Variants in GRK5 observed in about 807,000 individuals in gnomAD.
GRK5 encodes g protein-coupled receptor kinase GRK5.
A neutral mutation model predicts 78.4 loss-of-function variants in GRK5; 40 were observed. That is an observed-to-expected ratio of 0.51 (90% CI 0.40 to 0.66). The LOEUF is 0.66. Ranked by LOEUF, GRK5 falls within the 30% of genes least tolerant of loss-of-function variation. The pLI is 0.00. For missense variants in GRK5, 598 were observed against 759.9 expected (o/e 0.79, Z 2.50); for synonymous variants, 289 against 296.8 (o/e 0.97, Z 0.27).
At chr10:119,241,749 C>T (rs890781068) in intron 1 of GRK5, among the ~76,000 whole-genome samples, 2 of 152,102 alleles carry the variant, frequency 1.3e-5, no homozygotes, top group Non-Finnish European at 2.9e-5. Context: ...GAGGAAGAGC[C>T]GTTTTCCTCC....
chr10:119,346,207 A>C (rs942197988), intron 2 of GRK5, among the ~76,000 whole-genome samples: 3 of 152,230 alleles, frequency 2.0e-5, no homozygotes, highest in African/African-American at 7.2e-5. Flanking sequence ...CAAGGGAATC[A>C]GTGAGGAAGG....
intron 1 of GRK5, among the ~76,000 whole-genome samples, chr10:119,287,831 C>T (rs913234758): frequency 3.3e-5 from 5 of 152,230 alleles, no homozygotes; most frequent in Admixed American, 6.5e-5. Flanking sequence ...TCATCTCCCC[C>T]ATACCATAGA....
At chr10:119,389,823 CA>C (rs1380095208) in intron 3 of GRK5, among the ~76,000 whole-genome samples, 2 of 152,076 alleles carry the variant, frequency 1.3e-5, no homozygotes, top group South Asian at 4.2e-4. Context: ...CACACACACA[CA>C]CACACACACA....
rs541774746 is a variant in GRK5 at position 119,375,915 on chromosome 10, C to T, written c.149-4900C>T. ...TGAGCCCACAGGCCACAATAGCTCCCAAACCAATGACTTCCTCTGTAAATG... is the reference window on the plus strand; with the variant it reads ...TGAGCCCACAGGCCACAATAGCTCCTAAACCAATGACTTCCTCTGTAAATG... On this transcript the variant is annotated intron_variant, in intron 2 of 15. Transcript: ENST00000392870. 1.3e-4 allele frequency among the ~76,000 whole-genome samples: 20 copies of T among 152,372 alleles called. No individual in the cohort carries two copies. In the East Asian group the frequency reaches 3.9e-3, roughly 29 times the overall value.
intron 3 of GRK5, among the ~76,000 whole-genome samples, chr10:119,383,723 G>A (rs1340753313): frequency 6.6e-6 from 1 of 152,176 alleles, no homozygotes; most frequent in Non-Finnish European, 1.5e-5. Context: ...CTCCAGGTTG[G>A]CTTCTGAGTC....
At chr10:119,425,296 C>CACACAA (rs1393829519) in intron 6 of GRK5, among the ~76,000 whole-genome samples, 1 of 146,076 alleles carries the variant, frequency 6.8e-6, no homozygotes, top group African/African-American at 2.5e-5. Flanking sequence ...CACACACACA[C>CACACAA]AAACACACAT....
Position 119,452,619 on chromosome 10 carries a change from C to T in GRK5, c.1405-52C>T, listed in dbSNP as rs376374950. On this transcript the variant is annotated intron_variant, in intron 13 of 15. Transcript: ENST00000392870. The surrounding 1 kb of genome is among the most constrained non-coding windows in gnomAD (Gnocchi z 4.4). Reference sequence around the variant, plus strand: ...AAAACCCCAAGGCCTGGCTCGGGGCCACTGGAGCCGCAGGCGGGACATATG... The same window carrying T: ...AAAACCCCAAGGCCTGGCTCGGGGCTACTGGAGCCGCAGGCGGGACATATG... 107 of 1,609,226 alleles carry T rather than the reference C, an allele frequency of 6.6e-5. No individual in the cohort carries two copies. In the African/African-American group the frequency reaches 1.2e-3, roughly 19 times the overall value.
intron 1 of GRK5, among the ~76,000 whole-genome samples, chr10:119,263,598 C>T (rs1412713083): frequency 2.0e-5 from 3 of 152,082 alleles, no homozygotes; most frequent in African/African-American, 7.2e-5. Flanking sequence ...TTTTTCTCTC[C>T]TCTCTTCTCT....
At chr10:119,329,622 C>T (rs929843565) in intron 2 of GRK5, among the ~76,000 whole-genome samples, 6 of 152,068 alleles carry the variant, frequency 3.9e-5, no homozygotes, top group Admixed American at 2.6e-4. Context: ...CCCAGCTACT[C>T]GGGAGGCTGA....
At chr10:119,322,294 G>C (rs1850598943) in intron 1 of GRK5, among the ~76,000 whole-genome samples, 1 of 152,150 alleles carries the variant, frequency 6.6e-6, no homozygotes, top group African/African-American at 2.4e-5. Context: ...TTTGTTCCAG[G>C]GGTCTGTCCT....
Position 119,436,823 on chromosome 10 carries a change from G to T in GRK5, c.911G>T (p.Arg304Leu). 4 of 1,608,156 alleles carry T rather than the reference G, an allele frequency of 2.5e-6. No homozygotes were observed. Among genetic ancestry groups the T allele is most frequent in the Non-Finnish European group, 3.4e-6 (4 of 1,176,492 alleles). The change falls in exon 9 of 16, where the codon CGT becomes CTT. Residue 304 changes from arginine to leucine, a missense_variant. Coordinates refer to ENST00000392870, the MANE Select transcript of GRK5 (RefSeq NM_005308.3). The stretch of plus-strand genomic sequence containing the variant: ...CTCTGCGGCTTAGAAGACCTCCACC[G>T]TGAGAACACCGTCTACCGGTGAGTG... The part of the protein sequence containing the change: ...EILCGLEDLH[R>L]ENTVYRDLKP...
intron 1 of GRK5, among the ~76,000 whole-genome samples, chr10:119,302,810 C>T (rs1026126025): frequency 6.6e-6 from 1 of 152,138 alleles, no homozygotes; most frequent in Admixed American, 6.5e-5. Flanking sequence ...CTGGGGTTCC[C>T]TGGGGCCTCT....
At chr10:119,434,378 C>T (rs890677898) in intron 8 of GRK5, among the ~76,000 whole-genome samples, 1 of 152,200 alleles carries the variant, frequency 6.6e-6, no homozygotes, top group Non-Finnish European at 1.5e-5. Context: ...TTTCCGCCTA[C>T]GAGCCCGTAA....
At chr10:119,295,262 A>C (rs866951847) in intron 1 of GRK5, among the ~76,000 whole-genome samples, 10 of 151,852 alleles carry the variant, frequency 6.6e-5, no homozygotes, top group Middle Eastern at 6.8e-3. Context: ...GGCAGAGAAC[A>C]TATCCTGTTT....
rs182381329 is a variant in GRK5 at position 119,371,455 on chromosome 10, A to G, written c.149-9360A>G. Among the ~76,000 whole-genome samples, 340 of 152,350 alleles carry G rather than the reference A, an allele frequency of 2.2e-3. 2 individuals carry two copies. Among genetic ancestry groups the G allele is most frequent in the African/African-American group, 7.7e-3 (321 of 41,588 alleles). ...AAGAATGAAAACAGTGACAGCATTTATTTATCTTAACTATCAATATCATTC... is the reference window on the plus strand; with the variant it reads ...AAGAATGAAAACAGTGACAGCATTTGTTTATCTTAACTATCAATATCATTC... On this transcript the variant is annotated intron_variant, in intron 2 of 15. Transcript: ENST00000392870.
At chr10:119,314,614 C>T (rs1850452595) in intron 1 of GRK5, among the ~76,000 whole-genome samples, 1 of 152,212 alleles carries the variant, frequency 6.6e-6, no homozygotes, top group Non-Finnish European at 1.5e-5. Flanking sequence ...CTTCCTGCCC[C>T]AGGGAACAGT....
chr10:119,416,029 C>T (rs536829171), intron 4 of GRK5, among the ~76,000 whole-genome samples: 134 of 152,282 alleles, frequency 8.8e-4, no homozygotes, highest in African/African-American at 3.0e-3. Flanking sequence ...AAAGGATTAT[C>T]GGTGGCTCTG....
At chr10:119,362,271 G>A (rs1247479402) in intron 2 of GRK5, among the ~76,000 whole-genome samples, 1 of 152,244 alleles carries the variant, frequency 6.6e-6, no homozygotes, top group African/African-American at 2.4e-5. Context: ...GTAAGTCAGT[G>A]TCATCCCAGG....
In GRK5 at chr10:119,271,061, C is replaced by T. The variant is rs369724317; in HGVS notation, c.53-55455C>T. Reference sequence around the variant, plus strand: ...ATCTTATCTTTGTTAATAATAATAACAGGACCCGCCTAGAAGTGACTGAAT... The same window carrying T: ...ATCTTATCTTTGTTAATAATAATAATAGGACCCGCCTAGAAGTGACTGAAT... On this transcript the variant is annotated intron_variant, in intron 1 of 15. Transcript: ENST00000392870. This position sits in a 1 kb window ranked among gnomAD's most constrained non-coding sequence, Gnocchi z 4.1. Among the ~76,000 whole-genome samples the T allele has an allele frequency of 1.8e-4, 28 of 152,342 alleles. No homozygotes were observed. In the East Asian group the frequency reaches 4.4e-3, roughly 24 times the overall value.
Sources: allele counts gnomAD v4.1 joint callset (sites outside exome capture counted in the v4.1 genomes callset), GRCh38; gene constraint gnomAD v4.1.1; non-coding constraint Gnocchi (gnomAD v3.1); transcripts MANE v1.5; gene names NCBI Gene and HGNC (gene_info 2026-07-23, HGNC 2026-07-21).